Variants in CNBD1 observed in about 807,000 individuals in gnomAD.
CNBD1 encodes cyclic nucleotide-binding domain-containing protein 1.
In CNBD1, 71 loss-of-function variants were observed where a neutral mutation model predicts 54.4. The observed-to-expected ratio is 1.30, with a 90% CI of 1.08 to 1.59. The LOEUF is 1.59. CNBD1 is among the 40% of genes most tolerant of loss of function. The probability of loss-of-function intolerance (pLI) is 0.00; values close to 1 mark genes in which losing one functional copy is unlikely to be tolerated. For missense variants in CNBD1, 659 were observed against 518.0 expected (o/e 1.27, Z -2.64); for synonymous variants, 182 against 170.7 (o/e 1.07, Z -0.51).
intron 3 of CNBD1, among the ~76,000 whole-genome samples, chr8:86,916,725 A>G (rs996044268): frequency 6.6e-6 from 1 of 151,614 alleles, no homozygotes; most frequent in African/African-American, 2.4e-5. Flanking sequence ...TTTTTTTGAA[A>G]TAGAATCTCA....
In CNBD1 at chr8:86,939,323, G is replaced by A. The variant is rs1451816839; in HGVS notation, c.273-273G>A. ...ACATAAGCCTAATATATTATGAAAG[G>A]TGTTTCAATTGCTCAGGACAGTTAT... is the stretch of plus-strand genomic sequence containing the variant. On this transcript the variant is annotated intron_variant, in intron 3 of 10. Transcript: ENST00000518476. 3.3e-5 allele frequency among the ~76,000 whole-genome samples: 5 copies of A among 152,020 alleles called. No individual in the cohort carries two copies. In the East Asian group the frequency reaches 7.7e-4, roughly 23 times the overall value.
intron 4 of CNBD1, among the ~76,000 whole-genome samples, chr8:87,036,295 A>C (rs1470661611): frequency 6.6e-6 from 1 of 152,118 alleles, no homozygotes; most frequent in East Asian, 1.9e-4. Context: ...TTATTTTTAC[A>C]GAGTAAAGAT....
chr8:87,302,517 C>T (rs575387222), intron 8 of CNBD1, among the ~76,000 whole-genome samples: 4 of 149,648 alleles, frequency 2.7e-5, no homozygotes, highest in Admixed American at 1.3e-4. Flanking sequence ...TTATGACAAA[C>T]CCACAGCCAA....
At chr8:87,407,102 C>G (rs1185265510) in intron 2 of CNBD1, among the ~76,000 whole-genome samples, 1 of 151,956 alleles carries the variant, frequency 6.6e-6, no homozygotes, top group Non-Finnish European at 1.5e-5. Flanking sequence ...CTGTTAATCA[C>G]CATACTGATC....
chr8:87,397,254 TA>T (rs1811426456), intron 2 of CNBD1, among the ~76,000 whole-genome samples: 1 of 151,942 alleles, frequency 6.6e-6, no homozygotes, highest in African/African-American at 2.4e-5. Context: ...TTTATACTAT[TA>T]GGAGAAAGGA....
chr8:87,368,315 G>C (rs2130944476), intron 10 of CNBD1, among the ~76,000 whole-genome samples: 1 of 152,116 alleles, frequency 6.6e-6, no homozygotes, highest in Admixed American at 6.6e-5. Context: ...TGGAAGGGCA[G>C]ACTAGAGTGA....
intron 8 of CNBD1, among the ~76,000 whole-genome samples, chr8:87,345,903 A>C (rs112681030): frequency 6.6e-6 from 1 of 152,292 alleles, no homozygotes; most frequent in East Asian, 1.9e-4. Flanking sequence ...GAGGTGACTA[A>C]TTAATTTCTA....
chr8:87,034,183 G>T (rs1809856584), intron 4 of CNBD1, among the ~76,000 whole-genome samples: 1 of 152,156 alleles, frequency 6.6e-6, no homozygotes, highest in Admixed American at 6.5e-5. Context: ...CTCATTTTAT[G>T]ATTACATATT....
At chr8:87,283,685 G>A (rs1808638966) in intron 6 of CNBD1, among the ~76,000 whole-genome samples, 1 of 152,070 alleles carries the variant, frequency 6.6e-6, no homozygotes, top group South Asian at 2.1e-4. Flanking sequence ...AGTACTGGAT[G>A]TAGTTCTTCC....
intron 5 of CNBD1, among the ~76,000 whole-genome samples, chr8:87,231,063 G>A (rs1358987315): frequency 2.0e-5 from 3 of 152,094 alleles, no homozygotes; most frequent in African/African-American, 7.2e-5. Context: ...GCTGAAGGAA[G>A]AGAGAGTAGG....
intron 10 of CNBD1, among the ~76,000 whole-genome samples, chr8:87,370,024 G>A (rs368903824): frequency 0.019 from 2,832 of 151,694 alleles, 82 homozygotes; most frequent in African/African-American, 0.062. Flanking sequence ...GATGATTTCC[G>A]ATTTCATCCA....
intron 6 of CNBD1, among the ~76,000 whole-genome samples, chr8:87,241,268 A>ATTTTTTTTTTT (rs34829455): frequency 3.2e-5 from 3 of 93,864 alleles, no homozygotes; most frequent in African/African-American, 9.8e-5. Context: ...TATTTGGAAG[A>ATTTTTTTTTTT]TTTTTTTTTT....
chr8:86,970,567 G>C (rs1049397652), intron 4 of CNBD1, among the ~76,000 whole-genome samples: 5 of 151,200 alleles, frequency 3.3e-5, no homozygotes, highest in African/African-American at 7.3e-5. Flanking sequence ...GTTTTACTAA[G>C]CATAGTAATC....
chr8:87,174,132 T>C (rs1275713084), intron 4 of CNBD1, among the ~76,000 whole-genome samples: 1 of 151,992 alleles, frequency 6.6e-6, no homozygotes, highest in Non-Finnish European at 1.5e-5. Flanking sequence ...CTAATTTTTG[T>C]ATTTTTTAGT....
intron 8 of CNBD1, among the ~76,000 whole-genome samples, chr8:87,338,312 C>T (rs1322646511): frequency 6.6e-6 from 1 of 152,096 alleles, no homozygotes; most frequent in Non-Finnish European, 1.5e-5. Flanking sequence ...TGTTTTATAT[C>T]ATTTTCCTTT....
intron 8 of CNBD1, among the ~76,000 whole-genome samples, chr8:87,336,192 T>TG (rs1185554359): frequency 6.6e-6 from 1 of 152,110 alleles, no homozygotes; most frequent in Non-Finnish European, 1.5e-5. Flanking sequence ...GATCTTCTCA[T>TG]GGAGTGTCTT....
At chr8:87,111,517 ATGTACC>A (rs1159776381) in intron 4 of CNBD1, among the ~76,000 whole-genome samples, 1 of 152,178 alleles carries the variant, frequency 6.6e-6, no homozygotes, top group East Asian at 1.9e-4. Context: ...TCACTTCTGT[ATGTACC>A]TGCCAGGGAA....
intron 4 of CNBD1, among the ~76,000 whole-genome samples, chr8:87,098,851 A>T (rs541982579): frequency 2.0e-5 from 3 of 151,620 alleles, no homozygotes; most frequent in Non-Finnish European, 4.4e-5. Flanking sequence ...GCCTGGCAAC[A>T]TGGTGAAATC....
At chr8:86,929,380 C>G (rs1283138179) in intron 3 of CNBD1, among the ~76,000 whole-genome samples, 1 of 152,200 alleles carries the variant, frequency 6.6e-6, no homozygotes, top group Non-Finnish European at 1.5e-5. Flanking sequence ...ACCAGTAGTT[C>G]TGCTAACTGG....
Sources: gnomAD v4.1 joint callset for allele counts (sites outside exome capture counted in the v4.1 genomes callset) on GRCh38, gnomAD v4.1.1 for gene constraint, MANE v1.5 for transcripts, NCBI Gene and HGNC (gene_info 2026-07-23, HGNC 2026-07-21) for gene names.